The following WBP4 variants were observed in gnomAD, a reference collection of about 807,000 sequenced individuals.
WBP4 encodes WW domain-binding protein 4.
A neutral mutation model predicts 55.4 loss-of-function variants in WBP4; 37 were observed. That is an observed-to-expected ratio of 0.67 (90% CI 0.51 to 0.88). WBP4 has a LOEUF of 0.88. Among genes scored for constraint, WBP4 ranks in the 40% least tolerant of loss-of-function variants. The pLI, the probability that WBP4 is intolerant of heterozygous loss-of-function variation, is 0.00. For missense variants in WBP4, 398 were observed against 420.8 expected (o/e 0.95, Z 0.47); for synonymous variants, 142 against 140.2 (o/e 1.01, Z -0.09).
At chr13:41,077,569 C>T (rs1167388562) in intron 8 of WBP4, among the ~76,000 whole-genome samples, 1 of 152,046 alleles carries the variant, frequency 6.6e-6, no homozygotes. Flanking sequence ...AAGTATTCTC[C>T]CTAAGAAAGC....
intron 1 of WBP4, 66 bp downstream of exon 1, chr13:41,061,741 G>A: frequency 6.2e-7 from 1 of 1,608,752 alleles, no homozygotes; most frequent in Non-Finnish European, 8.5e-7. Flanking sequence ...TCTCGCCCGG[G>A]TCTTCCCCTC....
chr13:41,071,394 AT>A, intron 5 of WBP4, 132 bp from the exon 6 acceptor site: 1 of 689,116 alleles, frequency 1.5e-6, no homozygotes, highest in Non-Finnish European at 2.5e-6. Context: ...GTTCTGTTTT[AT>A]TTTTCAAATA....
intron 4 of WBP4, among the ~76,000 whole-genome samples, chr13:41,065,898 A>C (rs1292395212): frequency 6.6e-6 from 1 of 152,198 alleles, no homozygotes; most frequent in Non-Finnish European, 1.5e-5. Context: ...TTTTCCTTAA[A>C]CCAGGCATAT....
In WBP4 at chr13:41,082,774, G is replaced by A. The variant is rs774564893; in HGVS notation, c.991G>A (p.Gly331Arg). The change falls in exon 10 of 10, where the codon GGA becomes AGA. Residue 331 changes from glycine to arginine, a missense_variant. Physicochemically the swap from Gly to Arg is moderately radical, Grantham distance 125. Coordinates refer to ENST00000379487, the MANE Select transcript of WBP4 (RefSeq NM_007187.5). ...ATCAACTTCAGAAGCTGATGGTGGC[G>A]GAGAACCCAAAGTGGTATTTAAAGA... Reference protein sequence around the residue: ...YVSTSEADGGGEPKVVFKEKT... With the variant: ...YVSTSEADGGREPKVVFKEKT... 2.1e-5 allele frequency: 34 copies of A among 1,613,962 alleles called. No homozygotes were observed. Among genetic ancestry groups the A allele is most frequent in the South Asian group, 1.9e-4 (17 of 91,080 alleles).
chr13:41,069,820 G>A (rs1878153278), intron 5 of WBP4, among the ~76,000 whole-genome samples: 1 of 150,154 alleles, frequency 6.7e-6, no homozygotes, highest in South Asian at 2.1e-4. Context: ...GGAGTTTGCA[G>A]TGAGCCCAGA....
chr13:41,075,928 G>A lies in WBP4; in HGVS notation c.563-116G>A, dbSNP rs976361005. 10 of 1,090,940 alleles carry A rather than the reference G, an allele frequency of 9.2e-6. No homozygotes were observed. In the African/African-American group the frequency reaches 1.6e-4, roughly 18 times the overall value. The allele number at this position is 1,090,940 out of a possible 1,614,324, so 67.6% of individuals were successfully genotyped here. On this transcript the variant is annotated intron_variant, in intron 7 of 9. Transcript: ENST00000379487. ...CTGTTATCTTCTTGATCAAGAGATA[G>A]TATGAAATACATACAGTATTGTCAT...
intron 1 of WBP4, chr13:41,062,248 G>C: frequency 1.0e-6 from 1 of 984,864 alleles, no homozygotes; most frequent in Non-Finnish European, 1.2e-6. Context: ...CTTGTACGTT[G>C]TTCTCTTGGT....
intron 8 of WBP4, among the ~76,000 whole-genome samples, chr13:41,079,638 A>G (rs1056357857): frequency 6.6e-6 from 1 of 152,114 alleles, no homozygotes; most frequent in Non-Finnish European, 1.5e-5. Flanking sequence ...GTATGTTGGT[A>G]TAACCTTTAT....
chr13:41,075,919 C>G, intron 7 of WBP4, 125 bp from the exon 8 acceptor site: 1 of 1,044,678 alleles, frequency 9.6e-7, no homozygotes, highest in East Asian at 2.7e-5. Flanking sequence ...TCTTCTTGAT[C>G]AAGAGATAGT....
In WBP4 at chr13:41,061,558, G is replaced by C. The variant is rs1877635525; in HGVS notation, c.-116G>C. The C allele has an allele frequency of 6.6e-7, 1 of 1,517,060 alleles. No individual in the cohort carries two copies. The highest frequency in any genetic ancestry group is 1.7e-5 in the Admixed American group (1 of 57,332). The allele number at this position is 1,517,060 out of a possible 1,614,324, so 94.0% of individuals were successfully genotyped here. ...GTCCCGGGGACTGAGTAAGGTGTCT[G>C]GATCGGAGGGAGGTTCGGGTGGGCA... On this transcript the variant is annotated 5_prime_UTR_variant, in exon 1 of 10. Coordinates refer to ENST00000379487, the MANE Select transcript of WBP4 (RefSeq NM_007187.5).
At chr13:41,072,747 C>G in intron 6 of WBP4, 35 bp from the exon 7 acceptor site, 2 of 1,587,510 alleles carry the variant, frequency 1.3e-6, no homozygotes, top group Non-Finnish European at 1.7e-6. Context: ...TCATGGTTAT[C>G]CTTAGTTTAT....
intron 7 of WBP4, among the ~76,000 whole-genome samples, chr13:41,075,462 G>A (rs1024466400): frequency 3.9e-5 from 6 of 152,200 alleles, no homozygotes; most frequent in Non-Finnish European, 5.9e-5. Flanking sequence ...ATTCACTGCA[G>A]CCTCTATTTC....
intron 6 of WBP4, among the ~76,000 whole-genome samples, chr13:41,072,045 CAAAAAAAAAA>C (rs560903455): frequency 3.9e-5 from 2 of 50,788 alleles, no homozygotes; most frequent in South Asian, 5.7e-4. Context: ...GACTCCGTCT[CAAAAAAAAAA>C]AAAAAAAAAA....
rs376991235 is a variant in WBP4 at position 41,076,156 on chromosome 13, G to A, written c.675G>A (p.Ser225=). Residue 225 remains serine (S), a synonymous_variant, in exon 8 of 10, where the codon TCG becomes TCA. Transcript: ENST00000379487. ...GTLDESKSSD[S]HSDSDGEQEA... is the part of the protein sequence containing the mutation. Reference sequence around the variant, plus strand: ...TAGATGAATCCAAATCATCAGATTCGCATAGTGATTCTGATGGGGAACAGG... The same window carrying A: ...TAGATGAATCCAAATCATCAGATTCACATAGTGATTCTGATGGGGAACAGG... The A allele has an allele frequency of 2.2e-5, 36 of 1,612,640 alleles. No individual in the cohort carries two copies. Among genetic ancestry groups the A allele is most frequent in the African/African-American group, 6.7e-5 (5 of 74,450 alleles).
chr13:41,076,080 A>G lies in WBP4; in HGVS notation c.599A>G (p.His200Arg). The change falls in exon 8 of 10, where the codon CAC becomes CGC. Residue 200 changes from histidine to arginine, a missense_variant. Physicochemically the swap from His to Arg is conservative, Grantham distance 29 (BLOSUM62 0). Coordinates refer to ENST00000379487, the MANE Select transcript of WBP4 (RefSeq NM_007187.5). The stretch of plus-strand genomic sequence containing the variant: ...GAGAAACCTGATGATTTCATTCCAC[A>G]CACTAGTGATCTGCCTTCTAGTAAG... ...RWEKPDDFIPHTSDLPSSKVN... is the reference protein window; with the variant it reads ...RWEKPDDFIPRTSDLPSSKVN... The G allele has an allele frequency of 6.2e-7, 1 of 1,613,316 alleles. No individual in the cohort carries two copies. Among genetic ancestry groups the G allele is most frequent in the Non-Finnish European group, 8.5e-7 (1 of 1,179,866 alleles).
At chr13:41,075,173 C>T (rs1033168621) in intron 7 of WBP4, among the ~76,000 whole-genome samples, 9 of 152,006 alleles carry the variant, frequency 5.9e-5, no homozygotes, top group Admixed American at 2.6e-4. Context: ...AAAACTCTCC[C>T]AGTTGAAAGT....
Position 41,068,626 on chromosome 13 carries a change from CAGAAAGAAA to C in WBP4, c.342_350del (p.Glu115_Lys117del), listed in dbSNP as rs534571354. On this transcript the variant is annotated inframe_deletion, in exon 5 of 10. Transcript: ENST00000379487. ...CCCACCTACCTCGACATCAAATCAA[CAGAAAGAAA>C]AGAAAGAAAAGAAGAAAAGAAAAAA... The C allele has an allele frequency of 5.1e-4, 817 of 1,612,986 alleles. 9 individuals are homozygous for C. The South Asian group carries it at 6.0e-3, about 12-fold the overall frequency.
intron 6 of WBP4, 134 bp downstream of exon 6, chr13:41,071,707 T>A: frequency 1.3e-6 from 1 of 774,998 alleles, no homozygotes; most frequent in Non-Finnish European, 2.1e-6. Context: ...GTGTCCTTTT[T>A]TTTCCCATAA....
chr13:41,080,696 A>G lies in WBP4; in HGVS notation c.807A>G (p.Glu269=). ...GAAGTGACCCAGAAACACAGAAAGAAAAAAGTATTCAGAAACAGAATTCAT... is the reference window on the plus strand; with the variant it reads ...GAAGTGACCCAGAAACACAGAAAGAGAAAAGTATTCAGAAACAGAATTCAT... ...DGGSDPETQK[E]KSIQKQNSLG... is the part of the protein sequence containing the mutation. The change falls in exon 9 of 10, where the codon GAA becomes GAG. Residue 269 remains glutamate, a synonymous_variant. Coordinates refer to ENST00000379487, the MANE Select transcript of WBP4 (RefSeq NM_007187.5). 6.2e-7 allele frequency: 1 copy of G among 1,601,556 alleles called. No individual in the cohort carries two copies. Among genetic ancestry groups the G allele is most frequent in the Non-Finnish European group, 8.5e-7 (1 of 1,177,300 alleles).
Sources: gnomAD v4.1 joint callset for allele counts (sites outside exome capture counted in the v4.1 genomes callset) on GRCh38, gnomAD v4.1.1 for gene constraint, MANE v1.5 for transcripts, NCBI Gene and HGNC (gene_info 2026-07-23, HGNC 2026-07-21) for gene names.